The following SGCZ variants were observed in gnomAD, a reference collection of about 807,000 sequenced individuals.
SGCZ encodes the protein zeta-sarcoglycan.
Under a neutral mutation model 41.3 loss-of-function variants are expected in SGCZ, and 40 were observed. The observed-to-expected ratio is 0.97, with a 90% CI of 0.75 to 1.26. The LOEUF (loss-of-function observed/expected upper bound fraction) is 1.26, where lower values mean the gene tolerates loss of function less well. Among genes scored for constraint, SGCZ ranks in the 50% most tolerant of loss-of-function variants. The pLI is 0.00. For synonymous variants in SGCZ, 206 were observed against 137.5 expected (o/e 1.50, Z -3.49); for missense variants, 552 against 369.8 (o/e 1.49, Z -4.04).
chr8:15,164,168 C>G (rs1167626622), intron 1 of SGCZ, among the ~76,000 whole-genome samples: 1 of 152,206 alleles, frequency 6.6e-6, no homozygotes, highest in East Asian at 1.9e-4. Context: ...GTGTCTTCAG[C>G]TGAACTAAGG....
chr8:14,249,891 C>T (rs1427419302), intron 3 of SGCZ, among the ~76,000 whole-genome samples: 3 of 152,132 alleles, frequency 2.0e-5, no homozygotes, highest in Non-Finnish European at 2.9e-5. Flanking sequence ...GTAAGTATGT[C>T]TAGCTAAATC....
intron 1 of SGCZ, among the ~76,000 whole-genome samples, chr8:15,218,427 G>A (rs575202367): frequency 3.7e-4 from 56 of 152,326 alleles, no homozygotes; most frequent in African/African-American, 1.3e-3. Flanking sequence ...GGTGTAGGCT[G>A]ATTGACTTTT....
intron 1 of SGCZ, among the ~76,000 whole-genome samples, chr8:14,732,941 G>A (rs1489480973): frequency 6.6e-6 from 1 of 151,800 alleles, no homozygotes; most frequent in Admixed American, 6.6e-5. Context: ...TACAAAATAA[G>A]ATTCGCATTG....
At chr8:14,526,002 A>C (rs1802936116) in intron 2 of SGCZ, among the ~76,000 whole-genome samples, 2 of 152,136 alleles carry the variant, frequency 1.3e-5, no homozygotes, top group Non-Finnish European at 2.9e-5. Context: ...CAGTAGTAGT[A>C]TTAGGTTTCT....
chr8:15,220,529 C>A (rs537913209), intron 1 of SGCZ, among the ~76,000 whole-genome samples: 14 of 152,108 alleles, frequency 9.2e-5, no homozygotes, highest in African/African-American at 3.1e-4. Flanking sequence ...AGTTTCAGGA[C>A]GATTTAGACT....
At chr8:14,264,255 C>T (rs13257104) in intron 3 of SGCZ, among the ~76,000 whole-genome samples, 1 of 151,982 alleles carries the variant, frequency 6.6e-6, no homozygotes, top group Non-Finnish European at 1.5e-5. Flanking sequence ...GCACAGCATG[C>T]ACAGGGATGC....
At chr8:15,063,827 C>G (rs901097269) in intron 1 of SGCZ, among the ~76,000 whole-genome samples, 27 of 152,242 alleles carry the variant, frequency 1.8e-4, no homozygotes, top group African/African-American at 6.3e-4. Flanking sequence ...ATTTAACTTA[C>G]TATAGTTTCT....
intron 1 of SGCZ, among the ~76,000 whole-genome samples, chr8:14,702,635 G>A (rs537750475): frequency 7.2e-5 from 11 of 151,776 alleles, no homozygotes; most frequent in Non-Finnish European, 1.3e-4. Context: ...AAAGGACACC[G>A]CTATTTACTC....
At position 14,260,873 on chromosome 8, in the gene SGCZ, C is replaced by A. The variant is rs2117233451; in HGVS notation, c.337-23194G>T. 2.0e-5 allele frequency among the ~76,000 whole-genome samples: 3 copies of A among 152,196 alleles called. No homozygotes were observed. In the South Asian group the frequency reaches 6.2e-4, roughly 32 times the overall value. On this transcript the variant is annotated intron_variant, in intron 3 of 7. Coordinates refer to ENST00000382080, the MANE Select transcript of SGCZ (RefSeq NM_139167.4). Reference sequence around the variant, plus strand: ...CAAAAAACCAAACACCGCATATTCTCACTCACAGGTGGGAATTGAACAATG... The same window carrying A: ...CAAAAAACCAAACACCGCATATTCTAACTCACAGGTGGGAATTGAACAATG...
chr8:14,562,682 A>T (rs910576730), intron 1 of SGCZ, among the ~76,000 whole-genome samples: 1 of 152,182 alleles, frequency 6.6e-6, no homozygotes, highest in African/African-American at 2.4e-5. Flanking sequence ...AAGTAGAGAC[A>T]GCAAATGTAG....
chr8:14,185,290 G>C (rs1022614682), intron 4 of SGCZ, among the ~76,000 whole-genome samples: 1 of 152,020 alleles, frequency 6.6e-6, no homozygotes, highest in Admixed American at 6.6e-5. Flanking sequence ...TGTAGTCCTA[G>C]CTACTCGCAG....
chr8:14,239,851 G>A (rs1313070660), intron 3 of SGCZ, among the ~76,000 whole-genome samples: 110 of 120,290 alleles, frequency 9.1e-4, no homozygotes, highest in African/African-American at 3.5e-3. Flanking sequence ...GCAGTGAGCC[G>A]AGATCCCACC....
At chr8:14,325,061 A>G (rs960824337) in intron 2 of SGCZ, among the ~76,000 whole-genome samples, 3 of 152,172 alleles carry the variant, frequency 2.0e-5, no homozygotes, top group African/African-American at 4.8e-5. Flanking sequence ...AAGGAAAGCC[A>G]TACATATAAT....
chr8:15,206,295 T>C (rs1378443032), intron 1 of SGCZ, among the ~76,000 whole-genome samples: 1 of 151,928 alleles, frequency 6.6e-6, no homozygotes, highest in African/African-American at 2.4e-5. Context: ...ACAGGCTGAG[T>C]TGGTTGTGAG....
At chr8:14,439,290 G>T (rs1800178260) in intron 2 of SGCZ, among the ~76,000 whole-genome samples, 1 of 133,256 alleles carries the variant, frequency 7.5e-6, no homozygotes, top group African/African-American at 2.7e-5. Flanking sequence ...CTTGATTAAA[G>T]AAAATATATA....
intron 2 of SGCZ, among the ~76,000 whole-genome samples, chr8:14,442,409 A>G (rs1459170649): frequency 2.6e-5 from 4 of 152,198 alleles, no homozygotes; most frequent in Non-Finnish European, 5.9e-5. Context: ...CTCTTCAGCC[A>G]TGTGGAACTG....
At chr8:14,537,051 T>C (rs1394777029) in intron 2 of SGCZ, among the ~76,000 whole-genome samples, 1 of 151,956 alleles carries the variant, frequency 6.6e-6, no homozygotes, top group Non-Finnish European at 1.5e-5. Flanking sequence ...ATGCAATTGT[T>C]CCTGCTGCTG....
intron 5 of SGCZ, among the ~76,000 whole-genome samples, chr8:14,147,421 A>G (rs1056271938): frequency 2.0e-5 from 3 of 152,300 alleles, no homozygotes; most frequent in African/African-American, 4.8e-5. Flanking sequence ...TGCTATACTC[A>G]TATCAGACAA....
chr8:15,191,649 G>A (rs1800543654), intron 1 of SGCZ, among the ~76,000 whole-genome samples: 1 of 151,970 alleles, frequency 6.6e-6, no homozygotes. Flanking sequence ...CAGACAATAA[G>A]GAATATAAAA....
Sources: allele counts gnomAD v4.1 joint callset (sites outside exome capture counted in the v4.1 genomes callset), GRCh38; gene constraint gnomAD v4.1.1; transcripts MANE v1.5; gene names NCBI Gene and HGNC (gene_info 2026-07-23, HGNC 2026-07-21).